CDH13: variants seen among roughly 807,000 people sequenced by gnomAD.
CDH13 encodes cadherin-13.
In CDH13, 24 loss-of-function variants were observed where a neutral mutation model predicts 63.8. The ratio of observed to expected loss-of-function variants is 0.38; its 90% CI spans 0.27 to 0.53. The LOEUF (loss-of-function observed/expected upper bound fraction) is 0.53, where lower values mean the gene tolerates loss of function less well. CDH13 is among the 20% of genes least tolerant of loss of function. The pLI, the probability that CDH13 is intolerant of heterozygous loss-of-function variation, is 0.85. For synonymous variants in CDH13, 503 were observed against 355.3 expected, an observed-to-expected ratio of 1.42 and a Z score of -4.67; for missense variants, 1,049 against 903.1, an observed-to-expected ratio of 1.16 and a Z score of -2.07.
intron 3 of CDH13, 161 bp downstream of exon 3, chr16:83,032,379 C>T (rs936652332): frequency 2.8e-5 from 17 of 606,420 alleles, no homozygotes; most frequent in Non-Finnish European, 4.9e-5. Flanking sequence ...AGATGAGGGG[C>T]AGCGGGAATT....
chr16:83,134,610 A>G (rs1026479128), intron 4 of CDH13, among the ~76,000 whole-genome samples: 5 of 146,240 alleles, frequency 3.4e-5, no homozygotes, highest in South Asian at 2.2e-4. Flanking sequence ...ACATGACTGT[A>G]TTTCTGAATT....
rs1915416400 is a variant in CDH13, at chr16:83,780,100, G to A, written c.1814G>A (p.Gly605Glu). The change falls in exon 12 of 14, where the codon GGA becomes GAA. Residue 605 changes from glycine to glutamate, a missense_variant. Gly to Glu is a moderately conservative substitution (Grantham distance 98). Coordinates refer to ENST00000567109, the MANE Select transcript of CDH13 (RefSeq NM_001257.5). Reference protein sequence around the residue: ...DAKNLSVVILGASDKDLHPNT... With the variant: ...DAKNLSVVILEASDKDLHPNT... The stretch of plus-strand genomic sequence containing the variant: ...AAAAACCTCAGTGTAGTCATTTTGG[G>A]AGCATCAGATAAGGATCTTCACCCG... The A allele has an allele frequency of 2.5e-6, 4 of 1,613,820 alleles. No homozygotes were observed. The highest frequency in any genetic ancestry group is 1.3e-5 in the African/African-American group (1 of 75,008).
intron 4 of CDH13, among the ~76,000 whole-genome samples, chr16:83,132,969 T>G (rs916999618): frequency 6.6e-6 from 1 of 152,208 alleles, no homozygotes; most frequent in Non-Finnish European, 1.5e-5. Flanking sequence ...CTCTGTATCC[T>G]TATTCCTTAG....
intron 9 of CDH13, 124 bp from the exon 10 acceptor site, chr16:83,678,084 C>G: frequency 1.1e-6 from 1 of 899,270 alleles, no homozygotes; most frequent in Non-Finnish European, 1.7e-6. Context: ...CAGGCTTAGC[C>G]TCCAAAGCCC....
At chr16:83,212,385 C>G (rs907702046) in intron 4 of CDH13, among the ~76,000 whole-genome samples, 2 of 152,146 alleles carry the variant, frequency 1.3e-5, no homozygotes, top group South Asian at 2.1e-4. Flanking sequence ...TAAACTAAGC[C>G]AAGACACTGA....
chr16:82,794,160 TG>T (rs2036462250), intron 1 of CDH13, among the ~76,000 whole-genome samples: 1 of 151,588 alleles, frequency 6.6e-6, no homozygotes, highest in Admixed American at 6.6e-5. Flanking sequence ...GAAATTTTTT[TG>T]CAATTTTTTT....
chr16:83,279,982 A>G (rs2089114450), intron 5 of CDH13, among the ~76,000 whole-genome samples: 1 of 152,220 alleles, frequency 6.6e-6, no homozygotes, highest in Admixed American at 6.5e-5. Context: ...GTGCTAACAA[A>G]CATCTGAATC....
intron 1 of CDH13, among the ~76,000 whole-genome samples, chr16:82,677,542 A>G (rs532200763): frequency 1.3e-5 from 2 of 151,620 alleles, no homozygotes; most frequent in South Asian, 2.1e-4. Flanking sequence ...ATAACGACTA[A>G]ATTACTGCTG....
chr16:83,080,871 G>GTTTTTTTTTTTGT (rs2033185148), intron 3 of CDH13, among the ~76,000 whole-genome samples: 49 of 46,936 alleles, frequency 1.0e-3, no homozygotes, highest in Non-Finnish European at 1.4e-3. Context: ...TTGTTTTTGT[G>GTTTTTTTTTTTGT]TTTTTTTTTT....
Position 83,793,810 on chromosome 16 carries a change from T to C in CDH13, c.2135-1213T>C, listed in dbSNP as rs1597244266. ...CTGAGCAACAAAGTGAGACTCTGTC[T>C]CTAAAAAAAAAAAAAAAAAATTTCT... On this transcript the variant is annotated intron_variant, in intron 13 of 13. Coordinates refer to ENST00000567109, the MANE Select transcript of CDH13 (RefSeq NM_001257.5). 3.0e-5 allele frequency among the ~76,000 whole-genome samples: 3 copies of C among 99,596 alleles called. No individual in the cohort carries two copies. The East Asian group carries it at 1.4e-3, about 45-fold the overall frequency. The allele number at this position is 99,596 out of a possible 152,430, so 65.3% of individuals were successfully genotyped here.
At chr16:83,713,314 T>A (rs941936917) in intron 10 of CDH13, among the ~76,000 whole-genome samples, 5 of 152,212 alleles carry the variant, frequency 3.3e-5, no homozygotes, top group African/African-American at 1.2e-4. Flanking sequence ...GCTCACCTCA[T>A]CTTCTGCCAT....
chr16:83,228,669 G>A (rs918834811), intron 5 of CDH13, among the ~76,000 whole-genome samples: 2 of 152,204 alleles, frequency 1.3e-5, no homozygotes, highest in African/African-American at 2.4e-5. Flanking sequence ...AGCATTTAAT[G>A]GCACCTCCAG....
In CDH13 at chr16:82,944,874, T is replaced by C. The variant is rs149697174; in HGVS notation, c.157+86401T>C. ...CTACTTCATTTCACAAGGTATTAGG[T>C]AAAGCAGGTATATAAATAACACTCA... On this transcript the variant is annotated intron_variant, in intron 2 of 13. Coordinates refer to ENST00000567109, the MANE Select transcript of CDH13 (RefSeq NM_001257.5). 5.3e-3 allele frequency among the ~76,000 whole-genome samples: 807 copies of C among 152,206 alleles called. 8 individuals are homozygous for C. Among genetic ancestry groups the C allele is most frequent in the African/African-American group, 0.019 (774 of 41,534 alleles).
At chr16:83,660,827 C>G (rs545426319) in intron 8 of CDH13, among the ~76,000 whole-genome samples, 1 of 152,228 alleles carries the variant, frequency 6.6e-6, no homozygotes, top group African/African-American at 2.4e-5. Flanking sequence ...GTCAGATGAA[C>G]AAATGTGTTT....
At chr16:83,468,087 G>C (rs2073362421) in intron 6 of CDH13, among the ~76,000 whole-genome samples, 2 of 152,304 alleles carry the variant, frequency 1.3e-5, no homozygotes, top group South Asian at 4.1e-4. Context: ...TTGGCACCGT[G>C]AACTTGAAAT....
intron 1 of CDH13, among the ~76,000 whole-genome samples, chr16:82,847,014 A>G (rs1597787889): frequency 6.6e-6 from 1 of 152,150 alleles, no homozygotes; most frequent in African/African-American, 2.4e-5. Context: ...AAGCATTCCA[A>G]AGCCATGACC....
chr16:83,285,400 G>A lies in CDH13; in HGVS notation c.637-59462G>A, dbSNP rs370603680. On this transcript the variant is annotated intron_variant, in intron 5 of 13. Transcript: ENST00000567109. Reference sequence around the variant, plus strand: ...CAGGTGGCATTTTCATGGATTGGCTGAGCTGACTGCCTGCAGTTGATTTGG... The same window carrying A: ...CAGGTGGCATTTTCATGGATTGGCTAAGCTGACTGCCTGCAGTTGATTTGG... 2.6e-5 allele frequency among the ~76,000 whole-genome samples: 4 copies of A among 152,132 alleles called. No individual in the cohort carries two copies. The East Asian group carries it at 7.8e-4, about 30-fold the overall frequency.
At chr16:83,505,231 G>T (rs894389648) in intron 7 of CDH13, among the ~76,000 whole-genome samples, 1 of 152,184 alleles carries the variant, frequency 6.6e-6, no homozygotes, top group Non-Finnish European at 1.5e-5. Context: ...GAAGAAACAA[G>T]AATTGTTTCT....
At chr16:83,756,046 C>G (rs907708540) in intron 11 of CDH13, among the ~76,000 whole-genome samples, 46 of 152,108 alleles carry the variant, frequency 3.0e-4, no homozygotes, top group African/African-American at 1.0e-3. Context: ...TAAAGCAATA[C>G]TTTGTATTAG....
Sources: allele counts gnomAD v4.1 joint callset (sites outside exome capture counted in the v4.1 genomes callset), GRCh38; gene constraint gnomAD v4.1.1; transcripts MANE v1.5; gene names NCBI Gene and HGNC (gene_info 2026-07-23, HGNC 2026-07-21).